Variants in DISP1 observed in about 807,000 individuals in gnomAD.
DISP1 encodes dispatched RND transporter family member 1, also known as protein dispatched homolog 1.
A neutral mutation model predicts 37.3 loss-of-function variants in DISP1; 30 were observed. The observed-to-expected ratio is 0.80, with a 90% CI of 0.60 to 1.09. DISP1 has a LOEUF of 1.09. DISP1 is among the 50% of genes least tolerant of loss of function. The pLI is 0.00. For missense variants in DISP1, 1,598 were observed against 1,879.5 expected, an observed-to-expected ratio of 0.85 and a Z score of 2.77; for synonymous variants, 634 against 690.2, an observed-to-expected ratio of 0.92 and a Z score of 1.28.
chr1:222,824,612 ATTCT>A lies in DISP1; in HGVS notation c.-159+9537_-159+9540del, dbSNP rs1397588410. Reference sequence around the variant, plus strand: ...CCACTTTAAGTATTTGTTAAATGTAATTCTTTTTTTTTTTCCAGGATGGTACCAT... The same window carrying A: ...CCACTTTAAGTATTTGTTAAATGTAATTTTTTTTTTCCAGGATGGTACCAT... On this transcript the variant is annotated intron_variant, in intron 1 of 8. Transcript: ENST00000675850. Among the ~76,000 whole-genome samples the A allele has an allele frequency of 3.3e-5, 5 of 152,096 alleles. No individual in the cohort carries two copies. In the East Asian group the frequency reaches 7.7e-4, roughly 23 times the overall value.
chr1:222,902,170 G>T (rs1279240567), intron 1 of DISP1, among the ~76,000 whole-genome samples: 2 of 152,092 alleles, frequency 1.3e-5, no homozygotes, highest in Non-Finnish European at 2.9e-5. Flanking sequence ...GTTCTGCTCT[G>T]ATTTTAGTTA....
intron 3 of DISP1, among the ~76,000 whole-genome samples, chr1:222,954,277 A>C (rs2125524119): frequency 6.6e-6 from 1 of 152,318 alleles, no homozygotes; most frequent in Non-Finnish European, 1.5e-5. Context: ...TTTAAAGGAC[A>C]ATTTTGATTG....
intron 3 of DISP1, among the ~76,000 whole-genome samples, chr1:222,964,430 A>G (rs1229714912): frequency 6.6e-6 from 1 of 152,232 alleles, no homozygotes; most frequent in Non-Finnish European, 1.5e-5. Flanking sequence ...CAAACACAAG[A>G]GAATGAAATA....
chr1:222,938,683 T>A (rs1674144909), intron 2 of DISP1, among the ~76,000 whole-genome samples: 1 of 133,102 alleles, frequency 7.5e-6, no homozygotes, highest in Non-Finnish European at 1.5e-5. Flanking sequence ...CAGGAAGCCA[T>A]GATCGCACCA....
intron 1 of DISP1, among the ~76,000 whole-genome samples, chr1:222,897,067 C>T (rs1021009571): frequency 6.6e-6 from 1 of 152,136 alleles, no homozygotes; most frequent in Non-Finnish European, 1.5e-5. Context: ...GAATCTTATT[C>T]GTAATAGCCC....
intron 2 of DISP1, among the ~76,000 whole-genome samples, chr1:222,939,582 A>G (rs1363702081): frequency 2.6e-5 from 4 of 151,878 alleles, no homozygotes; most frequent in African/African-American, 9.7e-5. Context: ...TAATCCCAGC[A>G]CTTTGGGAGG....
intron 3 of DISP1, among the ~76,000 whole-genome samples, chr1:222,961,037 G>A (rs1057439782): frequency 6.6e-6 from 1 of 152,064 alleles, no homozygotes; most frequent in African/African-American, 2.4e-5. Context: ...TTTACCAGAG[G>A]TACAAAGAGG....
rs1480176219 is a variant in DISP1 at position 223,002,697 on chromosome 1, A to G, written c.1300A>G (p.Lys434Glu). 6.2e-7 allele frequency: 1 copy of G among 1,614,166 alleles called. No individual in the cohort carries two copies. Among genetic ancestry groups the G allele is most frequent in the Non-Finnish European group, 8.5e-7 (1 of 1,180,038 alleles). ...VYQILHYLVD[K>E]DFMTPKTADY... ...CCAGATCCTCCATTACTTGGTGGAC[A>G]AAGACTTTATGACCCCAAAGACGGC... Residue 434 changes from lysine to glutamate, a missense_variant, in exon 9 of 9, where the codon AAA becomes GAA. Coordinates refer to ENST00000675850, the MANE Select transcript of DISP1 (RefSeq NM_001377229.1).
chr1:222,992,000 C>A lies in DISP1; in HGVS notation c.792-13C>A. On this transcript the variant is annotated splice_polypyrimidine_tract_variant and intron_variant, in intron 6 of 8. Coordinates refer to ENST00000675850, the MANE Select transcript of DISP1 (RefSeq NM_001377229.1). ...AGAACTTTATTGAAGATCAAATTGT[C>A]GTTCCATTTCAGCCATCGGGATGAT... 1.3e-6 allele frequency: 2 copies of A among 1,593,366 alleles called. No individual in the cohort carries two copies. Among genetic ancestry groups the A allele is most frequent in the South Asian group, 2.2e-5 (2 of 90,594 alleles).
In DISP1 at chr1:223,005,680, G is replaced by A; in HGVS notation, c.4283G>A (p.Ser1428Asn). 6.2e-7 allele frequency: 1 copy of A among 1,614,104 alleles called. No individual in the cohort carries two copies. The highest frequency in any genetic ancestry group is 2.2e-5 in the East Asian group (1 of 44,862). ...AGAGACGTGAGCAATCTGGAGAGCA[G>A]TGGAGGGACTGAAAACAAGGCAGGA... ...KNRDVSNLES[S>N]GGTENKAGGK... Residue 1428 changes from serine to asparagine, a missense_variant, in exon 9 of 9, where the codon AGT (serine) becomes AAT (asparagine). Ser to Asn is a conservative substitution (Grantham distance 46). Coordinates refer to ENST00000675850, the MANE Select transcript of DISP1 (RefSeq NM_001377229.1).
chr1:222,984,430 A>ATG, intron 4 of DISP1, among the ~76,000 whole-genome samples: 1 of 123,460 alleles, frequency 8.1e-6, no homozygotes, highest in Non-Finnish European at 1.7e-5. Flanking sequence ...AAATATATAT[A>ATG]TATATAGAGA....
intron 4 of DISP1, among the ~76,000 whole-genome samples, chr1:222,984,417 A>AT (rs201043580): frequency 0.16 from 12,348 of 76,194 alleles, 1,038 homozygotes; most frequent in South Asian, 0.25. Flanking sequence ...AAAAAAAAAA[A>AT]AAAAATATAT....
chr1:222,895,355 G>A lies in DISP1; in HGVS notation c.-158-33075G>A, dbSNP rs541693378. ...TTTCCAAGTAGTTAACCGAATACCA[G>A]TCAACTTAGAAAATAAATTCAACAC... On this transcript the variant is annotated intron_variant, in intron 1 of 8. Coordinates refer to ENST00000675850, the MANE Select transcript of DISP1 (RefSeq NM_001377229.1). Among the ~76,000 whole-genome samples, 4 of 152,240 alleles carry A rather than the reference G, an allele frequency of 2.6e-5. No homozygotes were observed. In the South Asian group the frequency reaches 6.2e-4, roughly 24 times the overall value.
chr1:222,910,965 G>C (rs934768972), intron 1 of DISP1, among the ~76,000 whole-genome samples: 3 of 152,166 alleles, frequency 2.0e-5, no homozygotes, highest in Non-Finnish European at 2.9e-5. Flanking sequence ...TATCTGTATT[G>C]AGATAAATGA....
At chr1:222,840,026 G>A (rs1553315743) in intron 1 of DISP1, among the ~76,000 whole-genome samples, 1 of 151,896 alleles carries the variant, frequency 6.6e-6, no homozygotes, top group Non-Finnish European at 1.5e-5. Context: ...CCTACAATTA[G>A]GCAAAAATCA....
At chr1:222,984,312 T>A (rs1678059147) in intron 4 of DISP1, among the ~76,000 whole-genome samples, 1 of 150,124 alleles carries the variant, frequency 6.7e-6, no homozygotes, top group Non-Finnish European at 1.5e-5. Context: ...AAGGCTGTGG[T>A]CGGAGGACCT....
intron 7 of DISP1, among the ~76,000 whole-genome samples, chr1:222,994,416 T>C (rs1678914748): frequency 6.6e-6 from 1 of 152,200 alleles, no homozygotes; most frequent in Non-Finnish European, 1.5e-5. Context: ...ATTCTGTACT[T>C]AGTTGGCTGT....
intron 4 of DISP1, among the ~76,000 whole-genome samples, chr1:222,985,315 C>G (rs1330132257): frequency 6.6e-6 from 1 of 152,188 alleles, no homozygotes; most frequent in African/African-American, 2.4e-5. Flanking sequence ...TATTGCTTCC[C>G]TTATTGAATT....
chr1:222,991,341 T>C (rs1467891050), intron 5 of DISP1, among the ~76,000 whole-genome samples, 179 bp from the exon 6 acceptor site: 1 of 152,260 alleles, frequency 6.6e-6, no homozygotes, highest in Non-Finnish European at 1.5e-5. Context: ...AAATAGGTGA[T>C]GATTATCATG....
Sources: allele counts gnomAD v4.1 joint callset (sites outside exome capture counted in the v4.1 genomes callset), GRCh38; gene constraint gnomAD v4.1.1; transcripts MANE v1.5; gene names NCBI Gene and HGNC (gene_info 2026-07-23, HGNC 2026-07-21).